Variants in EPHA3 observed in about 807,000 individuals in gnomAD.
EPHA3 encodes the protein EPH receptor A3.
EPHA3 carries 42 observed loss-of-function variants against 107.1 expected under a neutral mutation model. The observed-to-expected ratio is 0.39, with a 90% CI of 0.31 to 0.51. EPHA3 has a LOEUF of 0.51. EPHA3 is among the 20% of genes least tolerant of loss of function. The pLI is 0.78. For missense variants in EPHA3, 1,183 were observed against 1,211.2 expected (o/e 0.98, Z 0.35); for synonymous variants, 461 against 424.8 (o/e 1.09, Z -1.05).
chr3:89,190,488 T>A (rs1705687287), intron 2 of EPHA3, among the ~76,000 whole-genome samples: 1 of 152,200 alleles, frequency 6.6e-6, no homozygotes, highest in South Asian at 2.1e-4. Flanking sequence ...AGATATATTC[T>A]TTGTTACATA....
At chr3:89,358,513 T>C (rs999463817) in intron 5 of EPHA3, among the ~76,000 whole-genome samples, 4 of 151,074 alleles carry the variant, frequency 2.6e-5, no homozygotes, top group African/African-American at 9.7e-5. Context: ...ATGTAGTCAC[T>C]ACTTTCAAGG....
chr3:89,293,487 C>A (rs567061074), intron 3 of EPHA3, among the ~76,000 whole-genome samples: 175 of 152,214 alleles, frequency 1.1e-3, no homozygotes, highest in Non-Finnish European at 1.9e-3. Flanking sequence ...GCTCCATACA[C>A]CCTCTGTGAT....
intron 15 of EPHA3, among the ~76,000 whole-genome samples, chr3:89,459,634 T>G (rs145072828): frequency 1.8e-4 from 28 of 152,270 alleles, no homozygotes; most frequent in Admixed American, 1.2e-3. Context: ...GCGATTCTCC[T>G]GCCTCAGCCT....
chr3:89,362,679 G>T (rs1322610446), intron 5 of EPHA3, among the ~76,000 whole-genome samples: 1 of 150,900 alleles, frequency 6.6e-6, no homozygotes, highest in Non-Finnish European at 1.5e-5. Context: ...ATGTGTGATT[G>T]GGTGTTTGTG....
At chr3:89,199,679 A>G (rs922175814) in intron 2 of EPHA3, among the ~76,000 whole-genome samples, 3 of 152,136 alleles carry the variant, frequency 2.0e-5, no homozygotes, top group African/African-American at 7.2e-5. Flanking sequence ...TTCACCCTCT[A>G]TTTCAAAAAT....
chr3:89,304,965 T>C (rs1706579453), intron 3 of EPHA3, among the ~76,000 whole-genome samples: 2 of 152,182 alleles, frequency 1.3e-5, no homozygotes, highest in Non-Finnish European at 2.9e-5. Context: ...AAGCATTTTA[T>C]TTTGATGTTG....
At chr3:89,365,940 C>A (rs1242272274) in intron 5 of EPHA3, among the ~76,000 whole-genome samples, 1 of 150,594 alleles carries the variant, frequency 6.6e-6, no homozygotes, top group Non-Finnish European at 1.5e-5. Flanking sequence ...GATGGTTTAG[C>A]AGAAATGCTT....
chr3:89,143,844 C>A (rs1704481921), intron 2 of EPHA3, among the ~76,000 whole-genome samples: 1 of 151,376 alleles, frequency 6.6e-6, no homozygotes, highest in African/African-American at 2.4e-5. Context: ...GAATTTTTTT[C>A]TTTTCTATTT....
Position 89,449,280 on chromosome 3 carries a change from T to A in EPHA3, c.2402T>A (p.Phe801Tyr), listed in dbSNP as rs73139269. The change falls in exon 14 of 17, where the codon TTC becomes TAC. Residue 801 changes from phenylalanine (F) to tyrosine (Y), a missense_variant. Phe to Tyr is a conservative substitution (Grantham distance 22, BLOSUM62 3). Transcript: ENST00000336596. ...CCAGAAGCTATAGCCTACCGCAAGTTCACGTCAGCCAGCGATGTATGGAGT... is the reference window on the plus strand; with the variant it reads ...CCAGAAGCTATAGCCTACCGCAAGTACACGTCAGCCAGCGATGTATGGAGT... ...TSPEAIAYRK[F>Y]TSASDVWSYG... 496 of 1,612,354 alleles carry A rather than the reference T, an allele frequency of 3.1e-4. 3 individuals are homozygous for A. Among genetic ancestry groups the A allele is most frequent in the South Asian group, 3.0e-3 (277 of 90,840 alleles).
intron 7 of EPHA3, 136 bp from the exon 8 acceptor site, chr3:89,407,133 T>C (rs1709070128): frequency 1.6e-6 from 1 of 609,276 alleles, no homozygotes; most frequent in Non-Finnish European, 2.9e-6. Flanking sequence ...ACTTTCAACA[T>C]TGTATCAGAC....
chr3:89,219,688 G>GTGTTTTTTTTTGTTTTTTTGTTTTTTTT, intron 3 of EPHA3, among the ~76,000 whole-genome samples: 2 of 34,440 alleles, frequency 5.8e-5, no homozygotes, highest in African/African-American at 2.4e-4. Context: ...ATTTGGCAAT[G>GTGTTTTTTTTTGTTTTTTTGTTTTTTTT]TTTTTTTTTT....
chr3:89,436,845 T>C (rs914160087), intron 13 of EPHA3, among the ~76,000 whole-genome samples: 15 of 152,300 alleles, frequency 9.8e-5, no homozygotes, highest in African/African-American at 2.4e-4. Flanking sequence ...TCAGCTAAGA[T>C]AGTACTATAC....
intron 15 of EPHA3, among the ~76,000 whole-genome samples, chr3:89,452,396 C>A (rs1710010991): frequency 6.6e-6 from 1 of 152,106 alleles, no homozygotes; most frequent in African/African-American, 2.4e-5. Context: ...GCCATCCTAA[C>A]AAGTGTGAGG....
chr3:89,169,357 G>C (rs1705158714), intron 2 of EPHA3, among the ~76,000 whole-genome samples: 1 of 151,872 alleles, frequency 6.6e-6, no homozygotes, highest in South Asian at 2.1e-4. Flanking sequence ...ATATTACACA[G>C]GCACATAGTA....
intron 3 of EPHA3, among the ~76,000 whole-genome samples, chr3:89,332,068 C>T (rs1707301546): frequency 1.3e-5 from 2 of 152,134 alleles, no homozygotes. Flanking sequence ...CTTTCTATCC[C>T]ATTCTCGCTC....
chr3:89,158,339 T>C (rs1302997662), intron 2 of EPHA3, among the ~76,000 whole-genome samples: 1 of 152,022 alleles, frequency 6.6e-6, no homozygotes, highest in Non-Finnish European at 1.5e-5. Context: ...TGGTAGACAG[T>C]ATGTGGTTTT....
At chr3:89,380,788 T>A (rs1380533982) in intron 5 of EPHA3, among the ~76,000 whole-genome samples, 3 of 144,026 alleles carry the variant, frequency 2.1e-5, no homozygotes, top group East Asian at 4.0e-4. Context: ...TTTTTTTTTT[T>A]AATGAAGTTT....
At chr3:89,154,078 C>T (rs2107051664) in intron 2 of EPHA3, among the ~76,000 whole-genome samples, 1 of 152,116 alleles carries the variant, frequency 6.6e-6, no homozygotes, top group East Asian at 1.9e-4. Context: ...AAATATTGAC[C>T]TCTCGTTGTG....
At chr3:89,253,325 G>A (rs531131764) in intron 3 of EPHA3, among the ~76,000 whole-genome samples, 109 of 151,988 alleles carry the variant, frequency 7.2e-4, no homozygotes, top group Admixed American at 5.9e-4. Flanking sequence ...GATTTTCTTT[G>A]AAAAGAATGG....
Sources: gnomAD v4.1 joint callset for allele counts (sites outside exome capture counted in the v4.1 genomes callset) on GRCh38, gnomAD v4.1.1 for gene constraint, MANE v1.5 for transcripts, NCBI Gene and HGNC (gene_info 2026-07-23, HGNC 2026-07-21) for gene names.